TNR: variants seen among roughly 807,000 people sequenced by gnomAD.
TNR encodes the protein tenascin-R.
A neutral mutation model predicts 150.4 loss-of-function variants in TNR; 45 were observed. That is an observed-to-expected ratio of 0.30 (90% CI 0.24 to 0.38). The LOEUF (loss-of-function observed/expected upper bound fraction) is 0.38. Among genes scored for constraint, TNR ranks in the 10% least tolerant of loss-of-function variants. TNR has a pLI of 1.00. For missense variants in TNR, 1,544 were observed against 1,759.1 expected (o/e 0.88, Z 2.19); for synonymous variants, 687 against 678.4 (o/e 1.01, Z -0.20).
At chr1:175,706,667 T>C (rs1666850039) in intron 1 of TNR, among the ~76,000 whole-genome samples, 2 of 152,152 alleles carry the variant, frequency 1.3e-5, no homozygotes, top group African/African-American at 4.8e-5. Context: ...ATTTCTTCCT[T>C]ACCCTGAATG....
rs1420658911 is a variant in TNR at position 175,421,076 on chromosome 1, T to G, written c.-63-14299A>C. On this transcript the variant is annotated intron_variant, in intron 2 of 22. Coordinates refer to ENST00000367674, the MANE Select transcript of TNR (RefSeq NM_003285.3). ...TGCCTTAGTGAGCAGCTAGCTGAGG[T>G]GGGGGTGTGGGAGCTCACCAACATT... is the stretch of plus-strand genomic sequence containing the variant. 2.0e-5 allele frequency among the ~76,000 whole-genome samples: 3 copies of G among 152,142 alleles called. No homozygotes were observed. In the East Asian group the frequency reaches 5.8e-4, roughly 29 times the overall value.
rs554754993 is a variant in TNR at position 175,475,175 on chromosome 1, G to T, written c.-64+53094C>A. Among the ~76,000 whole-genome samples, 86 of 152,126 alleles carry T rather than the reference G, an allele frequency of 5.7e-4. 1 individual carries two copies. Among genetic ancestry groups the T allele is most frequent in the Admixed American group, 1.8e-3 (28 of 15,276 alleles). On this transcript the variant is annotated intron_variant, in intron 2 of 22. Coordinates refer to ENST00000367674, the MANE Select transcript of TNR (RefSeq NM_003285.3). ...ACTCCTCCCTTCCCTCTATTTCCTG[G>T]CACTGCTTCCCTGTGGGTTCTCATC...
At chr1:175,548,027 C>A (rs1170831833) in intron 1 of TNR, among the ~76,000 whole-genome samples, 1 of 152,112 alleles carries the variant, frequency 6.6e-6, no homozygotes, top group African/African-American at 2.4e-5. Context: ...GGGCAAAGAC[C>A]AAAGGCAAAG....
chr1:175,604,941 G>A (rs1264148237), intron 1 of TNR, among the ~76,000 whole-genome samples: 1 of 152,206 alleles, frequency 6.6e-6, no homozygotes, highest in African/African-American at 2.4e-5. Context: ...AGGAGAGGAG[G>A]AAGCATACAC....
At chr1:175,681,871 G>A in intron 1 of TNR, among the ~76,000 whole-genome samples, 1 of 152,168 alleles carries the variant, frequency 6.6e-6, no homozygotes, top group East Asian at 1.9e-4. Context: ...CCTGAAGCTG[G>A]CTTCATGCTC....
chr1:175,697,155 G>T (rs1217864072), intron 1 of TNR, among the ~76,000 whole-genome samples: 1 of 150,830 alleles, frequency 6.6e-6, no homozygotes, highest in Admixed American at 6.6e-5. Context: ...GCAAAGTCAG[G>T]CTTGAGAAGA....
chr1:175,660,698 C>T (rs748039236), intron 1 of TNR, among the ~76,000 whole-genome samples: 1 of 152,068 alleles, frequency 6.6e-6, no homozygotes, highest in Non-Finnish European at 1.5e-5. Flanking sequence ...GAGAAGGGAC[C>T]CAGAGACCAC....
intron 1 of TNR, among the ~76,000 whole-genome samples, chr1:175,675,853 C>T (rs895130270): frequency 1.1e-4 from 17 of 152,092 alleles, no homozygotes; most frequent in South Asian, 8.3e-4. Flanking sequence ...TCTGGGAGGA[C>T]GCTGGGCTGG....
At chr1:175,405,532 T>G (rs1653904635) in intron 3 of TNR, among the ~76,000 whole-genome samples, 1 of 152,082 alleles carries the variant, frequency 6.6e-6, no homozygotes, top group East Asian at 1.9e-4. Context: ...TTCAGCCTTT[T>G]GGAGGGTGCA....
intron 1 of TNR, among the ~76,000 whole-genome samples, chr1:175,733,820 G>C (rs1369455584): frequency 1.3e-5 from 2 of 152,092 alleles, no homozygotes; most frequent in Admixed American, 1.3e-4. Flanking sequence ...CTGGCCTCTC[G>C]AGGGTCCAGT....
chr1:175,593,517 T>C (rs1177980219), intron 1 of TNR, among the ~76,000 whole-genome samples: 2 of 152,164 alleles, frequency 1.3e-5, no homozygotes, highest in Non-Finnish European at 2.9e-5. Context: ...CCTGTACAAA[T>C]AGAATCTAAT....
At chr1:175,549,931 A>T (rs1253491911) in intron 1 of TNR, among the ~76,000 whole-genome samples, 1 of 152,234 alleles carries the variant, frequency 6.6e-6, no homozygotes, top group African/African-American at 2.4e-5. Flanking sequence ...CTCCTGACCC[A>T]GGAAAACTGT....
intron 2 of TNR, among the ~76,000 whole-genome samples, chr1:175,451,839 T>A (rs1656339023): frequency 6.6e-6 from 1 of 152,226 alleles, no homozygotes; most frequent in Non-Finnish European, 1.5e-5. Context: ...TCTCCTTATA[T>A]GTTATATGGT....
At chr1:175,661,964 A>T (rs1461162037) in intron 1 of TNR, among the ~76,000 whole-genome samples, 1 of 151,984 alleles carries the variant, frequency 6.6e-6, no homozygotes, top group African/African-American at 2.4e-5. Context: ...ATGGACCTAG[A>T]AGGTGGCATT....
Position 175,365,163 on chromosome 1 carries a change from C to T in TNR, c.2434G>A (p.Asp812Asn), listed in dbSNP as rs371427528. The T allele has an allele frequency of 6.2e-7, 1 of 1,614,136 alleles. No homozygotes were observed. Among genetic ancestry groups the T allele is most frequent in the Non-Finnish European group, 8.5e-7 (1 of 1,180,012 alleles). The change falls in exon 12 of 23, where the codon GAT becomes AAT. Residue 812 changes from aspartate to asparagine, a missense_variant. Asp to Asn is a conservative substitution (Grantham distance 23, BLOSUM62 1). This residue lies in a region of TNR where 1,254 missense variants were observed against 1,329.4 expected (regional missense o/e 0.94). Transcript: ENST00000367674. ...DRLILNYSPR[D>N]EEEEMMEVSL... Reference sequence around the variant, plus strand: ...ACCTCCATCATCTCTTCCTCCTCATCCCTGGGGCTGTAGTTAAGAATGAGT... The same window carrying T: ...ACCTCCATCATCTCTTCCTCCTCATTCCTGGGGCTGTAGTTAAGAATGAGT...
chr1:175,662,256 T>C (rs890554231), intron 1 of TNR, among the ~76,000 whole-genome samples: 1 of 152,184 alleles, frequency 6.6e-6, no homozygotes, highest in Non-Finnish European at 1.5e-5. Context: ...CTCAAGGCAC[T>C]CTTCTATATG....
intron 3 of TNR, among the ~76,000 whole-genome samples, chr1:175,405,711 A>T (rs1653918508): frequency 6.6e-6 from 1 of 151,988 alleles, no homozygotes. Flanking sequence ...ACTGGAGAAG[A>T]TGGGGATAGG....
chr1:175,461,928 G>A (rs859374), intron 2 of TNR, among the ~76,000 whole-genome samples: 110,346 of 152,130 alleles, frequency 0.73, 41,041 homozygotes, highest in African/African-American at 0.91. Context: ...TCTAGGCTCT[G>A]TCACTTTAAT....
intron 1 of TNR, among the ~76,000 whole-genome samples, chr1:175,679,147 G>A (rs1313907221): frequency 2.6e-5 from 4 of 152,266 alleles, no homozygotes; most frequent in Non-Finnish European, 4.4e-5. Flanking sequence ...ACCCTTAGGG[G>A]TCAGGGTAAA....
Sources: gnomAD v4.1 joint callset for allele counts (sites outside exome capture counted in the v4.1 genomes callset) on GRCh38, gnomAD v4.1.1 for gene constraint, gnomAD v4.1.1 regional missense constraint, MANE v1.5 for transcripts, NCBI Gene and HGNC (gene_info 2026-07-23, HGNC 2026-07-21) for gene names.